ABCA13: variants seen among roughly 807,000 people sequenced by gnomAD.
ABCA13 encodes the protein ATP-binding cassette sub-family A member 13.
In ABCA13, 476 loss-of-function variants were observed where a neutral mutation model predicts 478.7. The ratio of observed to expected loss-of-function variants is 0.99; its 90% CI spans 0.92 to 1.07. The LOEUF (loss-of-function observed/expected upper bound fraction) is 1.07. Among genes scored for constraint, ABCA13 ranks in the 50% least tolerant of loss-of-function variants. ABCA13 has a pLI of 0.00. For synonymous variants in ABCA13, 2,252 were observed against 2,158.9 expected (o/e 1.04, Z -1.20); for missense variants, 6,060 against 5,910.6 (o/e 1.03, Z -0.83).
chr7:48,257,058 C>T (rs1381851986), intron 15 of ABCA13, among the ~76,000 whole-genome samples: 2 of 151,912 alleles, frequency 1.3e-5, no homozygotes, highest in Admixed American at 1.3e-4. Flanking sequence ...GTATTTTATT[C>T]TTTTTGTGGC....
chr7:48,567,162 T>C (rs796442300), intron 55 of ABCA13, among the ~76,000 whole-genome samples: 4 of 152,274 alleles, frequency 2.6e-5, no homozygotes, highest in African/African-American at 9.6e-5. Flanking sequence ...AAATATAATC[T>C]AAGTAATTAA....
intron 42 of ABCA13, among the ~76,000 whole-genome samples, chr7:48,434,728 G>A (rs1822596221): frequency 1.3e-5 from 2 of 151,808 alleles, no homozygotes; most frequent in South Asian, 4.1e-4. Flanking sequence ...CTTGCATATG[G>A]ATATCCAGTA....
rs775848763 is a variant in ABCA13 at position 48,278,865 on chromosome 7, T to A, written c.7671T>A (p.Thr2557=). 2 of 1,613,504 alleles carry A rather than the reference T, an allele frequency of 1.2e-6. No homozygotes were observed. The highest frequency in any genetic ancestry group is 1.7e-6 in the Non-Finnish European group (2 of 1,179,878). Residue 2557 remains threonine, a synonymous_variant, in exon 18 of 62, where the codon ACT becomes ACA. Coordinates refer to ENST00000435803, the MANE Select transcript of ABCA13 (RefSeq NM_152701.5). ...AGGACAGTGTGAAATTCTTTGACACTCTGTATTCCATCATGCAACAAAGTG... is the reference window on the plus strand; with the variant it reads ...AGGACAGTGTGAAATTCTTTGACACACTGTATTCCATCATGCAACAAAGTG... ...NTKDSVKFFD[T]LYSIMQQSVQ... is the part of the protein sequence containing the mutation.
chr7:48,411,969 C>A (rs1819318906), intron 40 of ABCA13, among the ~76,000 whole-genome samples: 1 of 152,084 alleles, frequency 6.6e-6, no homozygotes, highest in Admixed American at 6.5e-5. Flanking sequence ...TTCTTGTCTC[C>A]CTTTTAAGAC....
intron 49 of ABCA13, among the ~76,000 whole-genome samples, chr7:48,507,583 G>T (rs1217416479): frequency 2.0e-5 from 3 of 152,084 alleles, no homozygotes; most frequent in Non-Finnish European, 4.4e-5. Flanking sequence ...CATCTTAATT[G>T]GGAGTCAGGC....
At chr7:48,414,922 C>A (rs1337694096) in intron 41 of ABCA13, among the ~76,000 whole-genome samples, 1 of 152,158 alleles carries the variant, frequency 6.6e-6, no homozygotes, top group African/African-American at 2.4e-5. Context: ...GCTGCCGTAG[C>A]TTTGGAGTGA....
At chr7:48,320,787 C>T (rs879353026) in intron 27 of ABCA13, among the ~76,000 whole-genome samples, 3 of 152,164 alleles carry the variant, frequency 2.0e-5, no homozygotes, top group African/African-American at 4.8e-5. Flanking sequence ...TTCTAAGGGA[C>T]GTATAAGCCC....
Position 48,279,611 on chromosome 7 carries a change from A to G in ABCA13, c.8417A>G (p.Asn2806Ser), listed in dbSNP as rs755820537. Reference protein sequence around the residue: ...SLYFDTPLSQNITHHQLEKAI... With the variant: ...SLYFDTPLSQSITHHQLEKAI... ...TATTTTGACACACCTTTGAGTCAGAATATAACTCATCATCAACTTGAAAAA... is the reference window on the plus strand; with the variant it reads ...TATTTTGACACACCTTTGAGTCAGAGTATAACTCATCATCAACTTGAAAAA... The change falls in exon 18 of 62, where the codon AAT becomes AGT. Residue 2806 changes from asparagine (N) to serine (S), a missense_variant. By Grantham distance (46) the Asn-to-Ser change is conservative. This residue lies in a region of ABCA13 where 4,423 missense variants were observed against 4,309.1 expected (regional missense o/e 1.03). Coordinates refer to ENST00000435803, the MANE Select transcript of ABCA13 (RefSeq NM_152701.5). The G allele has an allele frequency of 1.2e-6, 2 of 1,612,962 alleles. No individual in the cohort carries two copies. Among genetic ancestry groups the G allele is most frequent in the Non-Finnish European group, 1.7e-6 (2 of 1,179,488 alleles).
At chr7:48,279,989 GA>G in intron 18 of ABCA13, 69 bp downstream of exon 18, 3 of 1,390,208 alleles carry the variant, frequency 2.2e-6, no homozygotes, top group Non-Finnish European at 2.8e-6. Context: ...AACCATGCAG[GA>G]ATTACAGTGA....
At chr7:48,368,581 C>G (rs926591164) in intron 32 of ABCA13, among the ~76,000 whole-genome samples, 4 of 151,372 alleles carry the variant, frequency 2.6e-5, no homozygotes, top group African/African-American at 9.7e-5. Flanking sequence ...TCCTGAGTTA[C>G]TTCGCTTAGA....
chr7:48,388,583 C>T (rs185590105), intron 36 of ABCA13, among the ~76,000 whole-genome samples: 1 of 152,290 alleles, frequency 6.6e-6, no homozygotes, highest in East Asian at 1.9e-4. Flanking sequence ...AAGCTCCCAT[C>T]GTGGTGGGTT....
chr7:48,618,474 C>G (rs949482427), intron 59 of ABCA13, among the ~76,000 whole-genome samples: 1 of 152,094 alleles, frequency 6.6e-6, no homozygotes, highest in African/African-American at 2.4e-5. Flanking sequence ...TACAATAAGG[C>G]CAATAGATCA....
At chr7:48,403,408 C>T (rs1817865337) in intron 38 of ABCA13, among the ~76,000 whole-genome samples, 1 of 152,196 alleles carries the variant, frequency 6.6e-6, no homozygotes, top group Non-Finnish European at 1.5e-5. Context: ...CATGCTTCTC[C>T]AGAGAGGAGA....
chr7:48,622,375 AGGGGTTAGAATGCT>A (rs1793223851), intron 59 of ABCA13, among the ~76,000 whole-genome samples: 1 of 152,160 alleles, frequency 6.6e-6, no homozygotes, highest in African/African-American at 2.4e-5. Context: ...TTGGAGCAGA[AGGGGTTAGAATGCT>A]GCTGGATGTC....
intron 45 of ABCA13, among the ~76,000 whole-genome samples, chr7:48,472,604 AAG>A (rs1300970965): frequency 3.3e-5 from 5 of 152,178 alleles, no homozygotes; most frequent in African/African-American, 4.8e-5. Flanking sequence ...AAGTGAAAGA[AAG>A]AGAGAAAACT....
Position 48,300,154 on chromosome 7 carries a change from T to C in ABCA13, c.9321+1667T>C, listed in dbSNP as rs539934860. Reference sequence around the variant, plus strand: ...CAGCACCATATTATTTCTAGTATCCTTTTCTTATCTTTCTTCCTGGGTTTC... The same window carrying C: ...CAGCACCATATTATTTCTAGTATCCCTTTCTTATCTTTCTTCCTGGGTTTC... On this transcript the variant is annotated intron_variant, in intron 23 of 61. Transcript: ENST00000435803. 4.6e-5 allele frequency among the ~76,000 whole-genome samples: 7 copies of C among 152,306 alleles called. No individual in the cohort carries two copies. In the South Asian group the frequency reaches 1.4e-3, roughly 32 times the overall value.
chr7:48,564,980 G>A (rs1786880757), intron 55 of ABCA13, among the ~76,000 whole-genome samples: 1 of 152,074 alleles, frequency 6.6e-6, no homozygotes, highest in South Asian at 2.1e-4. Context: ...AACTGGAACT[G>A]TATTGTTTTC....
chr7:48,442,267 CTG>C (rs1823717235), intron 42 of ABCA13, among the ~76,000 whole-genome samples: 1 of 138,130 alleles, frequency 7.2e-6, no homozygotes, highest in South Asian at 2.3e-4. Context: ...GCAGCTTGGG[CTG>C]CCAAACTGCC....
intron 42 of ABCA13, among the ~76,000 whole-genome samples, chr7:48,450,972 C>CTTTTTT (rs11423408): frequency 5.0e-5 from 7 of 139,672 alleles, no homozygotes; most frequent in African/African-American, 1.3e-4. Context: ...TTATTATATT[C>CTTTTTT]TTTTTTTTTT....
Sources: allele counts gnomAD v4.1 joint callset (sites outside exome capture counted in the v4.1 genomes callset), GRCh38; gene constraint gnomAD v4.1.1; regional missense constraint gnomAD v4.1.1; transcripts MANE v1.5; gene names NCBI Gene and HGNC (gene_info 2026-07-23, HGNC 2026-07-21).